The following MED13L variants were observed in gnomAD, a reference collection of about 807,000 sequenced individuals.
The protein encoded by MED13L is mediator of RNA polymerase II transcription subunit 13-like.
MED13L carries 7 observed loss-of-function variants against 220.9 expected under a neutral mutation model. That is an observed-to-expected ratio of 0.03 (90% CI 0.02 to 0.06). MED13L has a LOEUF of 0.06. Among genes scored for constraint, MED13L ranks in the 10% least tolerant of loss-of-function variants. The pLI is 1.00. For synonymous variants in MED13L, 1,011 were observed against 1,015.2 expected (o/e 1.00, Z 0.08); for missense variants, 1,965 against 2,760.5 (o/e 0.71, Z 6.46).
rs77441826 is a variant in MED13L at position 116,257,311 on chromosome 12, A to G, written c.73-19606T>C. Among the ~76,000 whole-genome samples the G allele has an allele frequency of 2.6e-3, 403 of 152,320 alleles. 1 individual carries two copies. Among genetic ancestry groups the G allele is most frequent in the African/African-American group, 8.8e-3 (364 of 41,558 alleles). On this transcript the variant is annotated intron_variant, in intron 1 of 30. Transcript: ENST00000281928. ...GGCTCCTTCCCCCATAGTAACATACACTTTACACTGCTGTGGATAACAACA... is the reference window on the plus strand; with the variant it reads ...GGCTCCTTCCCCCATAGTAACATACGCTTTACACTGCTGTGGATAACAACA...
At chr12:115,985,325 A>T (rs2137282470) in intron 19 of MED13L, among the ~76,000 whole-genome samples, 1 of 152,352 alleles carries the variant, frequency 6.6e-6, no homozygotes, top group Non-Finnish European at 1.5e-5. Flanking sequence ...AATGTATCCA[A>T]GGCAGTGACT....
At position 116,277,653 on chromosome 12, in the gene MED13L, G is replaced by T. The variant is rs1168891031; in HGVS notation, c.-522C>A. Among the ~76,000 whole-genome samples the T allele has an allele frequency of 6.7e-6, 1 of 149,220 alleles. No homozygotes were observed. Among genetic ancestry groups the T allele is most frequent in the Non-Finnish European group, 1.5e-5 (1 of 66,932 alleles). ...CCCCCCCTCCTCCCCAGTCAGCCTC[G>T]CTTCTCCTCCCTCCCCGGGCTCGCT... On this transcript the variant is annotated 5_prime_UTR_variant, in exon 1 of 31. Coordinates refer to ENST00000281928, the MANE Select transcript of MED13L (RefSeq NM_015335.5).
intron 2 of MED13L, among the ~76,000 whole-genome samples, chr12:116,227,999 A>G (rs1246199434): frequency 2.0e-5 from 3 of 152,234 alleles, no homozygotes; most frequent in Non-Finnish European, 4.4e-5. Context: ...GAATGATAAG[A>G]AAGTGAAACA....
intron 2 of MED13L, among the ~76,000 whole-genome samples, chr12:116,126,074 A>G (rs1875562092): frequency 1.3e-5 from 2 of 152,212 alleles, no homozygotes; most frequent in Non-Finnish European, 2.9e-5. Flanking sequence ...ATCCAGGAAA[A>G]GTTGTCATTA....
At chr12:116,188,758 C>A (rs1006963599) in intron 2 of MED13L, among the ~76,000 whole-genome samples, 1 of 152,082 alleles carries the variant, frequency 6.6e-6, no homozygotes, top group Non-Finnish European at 1.5e-5. Flanking sequence ...TCCTAAACCC[C>A]GACAACTACT....
chr12:116,052,074 C>CACAT (rs200212858), intron 4 of MED13L, among the ~76,000 whole-genome samples: 188 of 102,796 alleles, frequency 1.8e-3, no homozygotes, highest in African/African-American at 4.5e-3. Flanking sequence ...CTTACCTACA[C>CACAT]ACATACACAC....
intron 14 of MED13L, among the ~76,000 whole-genome samples, chr12:115,997,585 C>A (rs1356171526): frequency 6.6e-6 from 1 of 152,118 alleles, no homozygotes; most frequent in African/African-American, 2.4e-5. Flanking sequence ...CCATGCCCAG[C>A]TAATTTTTGT....
intron 3 of MED13L, among the ~76,000 whole-genome samples, chr12:116,109,438 T>C (rs1176125489): frequency 1.3e-5 from 2 of 152,178 alleles, no homozygotes; most frequent in East Asian, 3.9e-4. Flanking sequence ...CAAAGAAACA[T>C]GCTACCATTG....
In MED13L at chr12:115,983,201, T is replaced by C; in HGVS notation, c.4871A>G (p.Asp1624Gly). ...ACAGCCTATGTTCCCTTGCGTTCTATCCGCAGAAATGCCCCCAGTGCTGGG... is the reference window on the plus strand; with the variant it reads ...ACAGCCTATGTTCCCTTGCGTTCTACCCGCAGAAATGCCCCCAGTGCTGGG... ...QNPSTGGISA[D>G]RTQGNIGCGG... Residue 1624 changes from aspartate to glycine, a missense_variant, in exon 21 of 31, where the codon GAT (aspartate) becomes GGT (glycine). Physicochemically the swap from Asp to Gly is moderately conservative, Grantham distance 94. Coordinates refer to ENST00000281928, the MANE Select transcript of MED13L (RefSeq NM_015335.5). 6.2e-7 allele frequency: 1 copy of C among 1,614,148 alleles called. No homozygotes were observed. Among genetic ancestry groups the C allele is most frequent in the Non-Finnish European group, 8.5e-7 (1 of 1,179,998 alleles).
chr12:116,265,747 T>C (rs768996386), intron 1 of MED13L, among the ~76,000 whole-genome samples: 21 of 152,352 alleles, frequency 1.4e-4, no homozygotes, highest in Non-Finnish European at 1.5e-4. Flanking sequence ...GTCTTTGTAC[T>C]GTTTTTTAAA....
chr12:116,109,078 TTTTTTTTTTG>T (rs1224967752), intron 3 of MED13L, among the ~76,000 whole-genome samples: 998 of 78,344 alleles, frequency 0.013, 18 homozygotes, highest in African/African-American at 0.07. Flanking sequence ...TTTTTTTTTT[TTTTTTTTTTG>T]GAAACAGGGT....
At chr12:116,126,093 T>G (rs1179535262) in intron 2 of MED13L, among the ~76,000 whole-genome samples, 3 of 152,210 alleles carry the variant, frequency 2.0e-5, no homozygotes, top group Non-Finnish European at 4.4e-5. Flanking sequence ...TATCCAAAAC[T>G]TAAGCCAAGA....
In MED13L at chr12:116,008,989, T is replaced by C. The variant is rs750766386; in HGVS notation, c.1424A>G (p.Lys475Arg). Residue 475 changes from lysine (K) to arginine (R), a missense_variant, in exon 10 of 31, where the codon AAA becomes AGA. Transcript: ENST00000281928. ...SKHKTAERQEKGDKLQKRPLI... is the reference protein window; with the variant it reads ...SKHKTAERQERGDKLQKRPLI... The stretch of plus-strand genomic sequence containing the variant: ...GGGTCTCTTTTGCAGCTTGTCTCCT[T>C]TTTCCTGTCTTTCTGCTGTTTTGTG... 1 of 1,614,096 alleles carries C rather than the reference T, an allele frequency of 6.2e-7. No individual in the cohort carries two copies. Among genetic ancestry groups the C allele is most frequent in the Non-Finnish European group, 8.5e-7 (1 of 1,180,014 alleles).
intron 27 of MED13L, among the ~76,000 whole-genome samples, chr12:115,970,219 C>T (rs1876486404): frequency 6.6e-6 from 1 of 152,114 alleles, no homozygotes; most frequent in African/African-American, 2.4e-5. Context: ...ATTAGATTGC[C>T]ATAGACTAGC....
chr12:115,985,188 T>C (rs1877603324), intron 19 of MED13L, among the ~76,000 whole-genome samples: 1 of 152,206 alleles, frequency 6.6e-6, no homozygotes, highest in Non-Finnish European at 1.5e-5. Context: ...GCTTTTTACA[T>C]TTTGTAACTT....
chr12:115,969,027 G>A lies in MED13L; in HGVS notation c.6138C>T (p.Asn2046=), dbSNP rs1876391939. 1.2e-6 allele frequency: 2 copies of A among 1,613,732 alleles called. No homozygotes were observed. The highest frequency in any genetic ancestry group is 3.3e-5 in the Admixed American group (2 of 59,988). ...GGGAAGAGTTGGGAGAGGAATGGAGGTTCCCAGTCATTAATATGCCAATAT... is the reference window on the plus strand; with the variant it reads ...GGGAAGAGTTGGGAGAGGAATGGAGATTCCCAGTCATTAATATGCCAATAT... ...DNDIGILMTG[N]LHSSPNSSPV... The change falls in exon 28 of 31, where the codon AAC becomes AAT. Residue 2046 remains asparagine, a synonymous_variant. Coordinates refer to ENST00000281928, the MANE Select transcript of MED13L (RefSeq NM_015335.5).
intron 3 of MED13L, among the ~76,000 whole-genome samples, chr12:116,102,691 C>CTTTTTT (rs1873158460): frequency 1.1e-5 from 1 of 91,128 alleles, no homozygotes. Flanking sequence ...CCTATATTTT[C>CTTTTTT]TTTTTCTTTT....
At chr12:116,001,274 G>A (rs1420716651) in intron 14 of MED13L, among the ~76,000 whole-genome samples, 2 of 152,110 alleles carry the variant, frequency 1.3e-5, no homozygotes, top group Non-Finnish European at 2.9e-5. Flanking sequence ...TCGGCTCACT[G>A]CAACCTCCGC....
At chr12:116,250,958 A>G (rs1593211046) in intron 1 of MED13L, among the ~76,000 whole-genome samples, 1 of 152,088 alleles carries the variant, frequency 6.6e-6, no homozygotes, top group East Asian at 1.9e-4. Context: ...TTTTTACATT[A>G]TAAATAAAGA....
Sources: gnomAD v4.1 joint callset for allele counts (sites outside exome capture counted in the v4.1 genomes callset) on GRCh38, gnomAD v4.1.1 for gene constraint, MANE v1.5 for transcripts, NCBI Gene and HGNC (gene_info 2026-07-23, HGNC 2026-07-21) for gene names.